Variants in DCTN4 observed in about 807,000 individuals in gnomAD.
DCTN4 encodes the protein dynactin 4 (p62).
DCTN4 carries 23 observed loss-of-function variants against 62.7 expected under a neutral mutation model. The observed-to-expected ratio is 0.37, with a 90% CI of 0.26 to 0.52. The LOEUF (loss-of-function observed/expected upper bound fraction) is 0.52. Ranked by LOEUF, DCTN4 falls within the 20% of genes least tolerant of loss-of-function variation. The pLI, the probability that DCTN4 is intolerant of heterozygous loss-of-function variation, is 0.92. For missense variants in DCTN4, 514 were observed against 580.4 expected, an observed-to-expected ratio of 0.89 and a Z score of 1.18; for synonymous variants, 199 against 202.1, an observed-to-expected ratio of 0.98 and a Z score of 0.13.
chr5:150,733,482 GA>G lies in DCTN4; in HGVS notation c.430-8del. On this transcript the variant is annotated splice_region_variant and splice_polypyrimidine_tract_variant and intron_variant, in intron 4 of 12. Coordinates refer to ENST00000447998, the MANE Select transcript of DCTN4 (RefSeq NM_016221.4). Reference sequence around the variant, plus strand: ...ATTCAATCAATTTGTTCATCTGTAAGAAAATCACAGACTCAGTACACAAAAA... The same window carrying G: ...ATTCAATCAATTTGTTCATCTGTAAGAAATCACAGACTCAGTACACAAAAA... The G allele has an allele frequency of 6.2e-7, 1 of 1,603,850 alleles. No individual in the cohort carries two copies. Among genetic ancestry groups the G allele is most frequent in the South Asian group, 1.1e-5 (1 of 90,706 alleles).
At chr5:150,733,567 AG>A in intron 4 of DCTN4, 92 bp from the exon 5 acceptor site, 1 of 811,544 alleles carries the variant, frequency 1.2e-6, no homozygotes, top group Non-Finnish European at 1.9e-6. Flanking sequence ...TAATGAATAG[AG>A]AAGACAAATT....
At chr5:150,735,524 G>C (rs745811293) in intron 4 of DCTN4, among the ~76,000 whole-genome samples, 1 of 152,188 alleles carries the variant, frequency 6.6e-6, no homozygotes, top group African/African-American at 2.4e-5. Flanking sequence ...GTACCAGCTC[G>C]GAGACTGATA....
chr5:150,717,661 A>C (rs1759815378), intron 11 of DCTN4, among the ~76,000 whole-genome samples: 1 of 152,190 alleles, frequency 6.6e-6, no homozygotes, highest in Non-Finnish European at 1.5e-5. Flanking sequence ...ATATTTCACA[A>C]GTGTTGAAGA....
At chr5:150,742,039 T>C in intron 4 of DCTN4, 75 bp downstream of exon 4, 2 of 1,322,980 alleles carry the variant, frequency 1.5e-6, no homozygotes, top group South Asian at 1.2e-5. Context: ...TATCTACCCA[T>C]AAAATGCAAG....
In DCTN4 at chr5:150,718,389, G is replaced by A. The variant is rs1339319731; in HGVS notation, c.964-6C>T. The A allele has an allele frequency of 1.3e-6, 2 of 1,599,548 alleles. No homozygotes were observed. Among genetic ancestry groups the A allele is most frequent in the East Asian group, 4.5e-5 (2 of 44,780 alleles). The stretch of plus-strand genomic sequence containing the variant: ...GTCAGGAGGACCTGGCTCTCCTGGT[G>A]AATAGGAAACACATCTCTCAGACAT... On this transcript the variant is annotated splice_polypyrimidine_tract_variant and splice_region_variant and intron_variant, in intron 10 of 12. Transcript: ENST00000447998.
At position 150,752,100 on chromosome 5, in the gene DCTN4, A is replaced by G. The variant is rs184324891; in HGVS notation, c.385+1379T>C. Among the ~76,000 whole-genome samples the G allele has an allele frequency of 4.7e-3, 714 of 151,662 alleles. 13 individuals carry two copies. The highest frequency in any genetic ancestry group is 0.04 in the Admixed American group (614 of 15,228). ...AGAAAATTAAACAATGAAACCTCAGAAAAAAAAATACGGAGTTAGTGATGC... is the reference window on the plus strand; with the variant it reads ...AGAAAATTAAACAATGAAACCTCAGGAAAAAAAATACGGAGTTAGTGATGC... On this transcript the variant is annotated intron_variant, in intron 3 of 12. Transcript: ENST00000447998.
chr5:150,712,350 G>A (rs1179051852), intron 12 of DCTN4, among the ~76,000 whole-genome samples: 4 of 152,098 alleles, frequency 2.6e-5, no homozygotes, highest in African/African-American at 7.2e-5. Flanking sequence ...GACTGGTCTC[G>A]AACTCCTGAT....
chr5:150,758,035 AAGC>A, intron 1 of DCTN4: 5 of 940,170 alleles, frequency 5.3e-6, no homozygotes, highest in Non-Finnish European at 6.3e-6. Context: ...AGTATCGAAT[AAGC>A]AGCAACTATT....
chr5:150,758,681 T>C, intron 1 of DCTN4, 178 bp downstream of exon 1: 1 of 1,299,532 alleles, frequency 7.7e-7, no homozygotes, highest in Admixed American at 2.3e-5. Flanking sequence ...CACCCGAGGC[T>C]GCTCCTCCTT....
intron 2 of DCTN4, chr5:150,755,486 T>C (rs544052669): frequency 2.2e-6 from 1 of 455,650 alleles, no homozygotes; most frequent in South Asian, 1.6e-5. Context: ...TGACAAGTCA[T>C]AAGTATTTAC....
Position 150,711,094 on chromosome 5 carries a change from T to G in DCTN4, c.*55A>C. The G allele has an allele frequency of 6.5e-7, 1 of 1,528,536 alleles. No individual in the cohort carries two copies. The highest frequency in any genetic ancestry group is 9.0e-7 in the Non-Finnish European group (1 of 1,106,866). 94.7% of individuals were successfully genotyped at this position (1,528,536 alleles called of 1,614,324 possible). A position where few individuals can be genotyped will look rare whatever the true frequency, so the allele number is the denominator to read the frequency against. On this transcript the variant is annotated 3_prime_UTR_variant, in exon 13 of 13. Transcript: ENST00000447998. ...TAATGAAGCAGCAGCTTCCACATTT[T>G]AACGCAGGTTTACGGTGATACTGTC...
intron 3 of DCTN4, among the ~76,000 whole-genome samples, chr5:150,748,840 T>C (rs1752560435): frequency 6.9e-6 from 1 of 145,774 alleles, no homozygotes; most frequent in South Asian, 2.2e-4. Context: ...TAATGCTAAA[T>C]GACGAGTTAA....
chr5:150,758,344 C>T lies in DCTN4; in HGVS notation c.135+515G>A, dbSNP rs894236707. On this transcript the variant is annotated intron_variant, in intron 1 of 12. Transcript: ENST00000447998. The stretch of plus-strand genomic sequence containing the variant: ...TTCTGAGCGCTTTTCACATAACTCA[C>T]GCCGCCCCAACCTCTTCCCGGCTGC... 5.1e-6 allele frequency: 5 copies of T among 986,270 alleles called. No homozygotes were observed. The Admixed American group carries it at 1.8e-4, about 36-fold the overall frequency. The allele number at this position is 986,270 out of a possible 1,614,324, so 61.1% of individuals were successfully genotyped here.
rs776752335 is a variant in DCTN4, at chr5:150,758,882, A to G, written c.112T>C (p.Ser38Pro). The change falls in exon 1 of 13, where the codon TCG becomes CCG. Residue 38 changes from serine (S) to proline (P), a missense_variant. Coordinates refer to ENST00000447998, the MANE Select transcript of DCTN4 (RefSeq NM_016221.4). The part of the protein sequence containing the change: ...YFCRYCSELR[S>P]LECVSHEVDS... ...ACCTCGTGAGACACACATTCCAGCG[A>G]CCGCAGTTCGCTACAATAGCGGCAG... is the stretch of plus-strand genomic sequence containing the variant. The G allele has an allele frequency of 3.1e-6, 5 of 1,613,740 alleles. No homozygotes were observed. Among genetic ancestry groups the G allele is most frequent in the Non-Finnish European group, 4.2e-6 (5 of 1,179,924 alleles).
intron 12 of DCTN4, among the ~76,000 whole-genome samples, chr5:150,711,566 C>T (rs1347987452): frequency 6.6e-6 from 1 of 152,152 alleles, no homozygotes; most frequent in Non-Finnish European, 1.5e-5. Flanking sequence ...AGTGCAATGG[C>T]TCCACCTTGG....
chr5:150,729,042 C>CTTTTTTTTT lies in DCTN4; in HGVS notation c.834+1580_834+1588dup. Among the ~76,000 whole-genome samples the CTTTTTTTTT allele has an allele frequency of 4.0e-4, 21 of 52,128 alleles. 1 individual carries two copies. Among genetic ancestry groups the CTTTTTTTTT allele is most frequent in the African/African-American group, 1.1e-3 (14 of 13,120 alleles). 34.2% of individuals were successfully genotyped at this position (52,128 alleles called of 152,430 possible). A position where few individuals can be genotyped will look rare whatever the true frequency, so the allele number is the denominator to read the frequency against. ...ACAAGTGTGTGAACCACCACACTGG[C>CTTTTTTTTT]TTTTTTTTTTTTTTTTTTTTTTTTT... On this transcript the variant is annotated intron_variant, in intron 8 of 12. Transcript: ENST00000447998.
intron 12 of DCTN4, among the ~76,000 whole-genome samples, chr5:150,711,665 C>T (rs534240002): frequency 1.3e-5 from 2 of 152,212 alleles, no homozygotes; most frequent in South Asian, 4.1e-4. Context: ...ACCACCACAC[C>T]TGGCTAGCTT....
intron 3 of DCTN4, among the ~76,000 whole-genome samples, chr5:150,753,196 C>T (rs1752739827): frequency 3.9e-5 from 6 of 152,148 alleles, no homozygotes; most frequent in Admixed American, 2.6e-4. Context: ...GATGTCTTAA[C>T]ATGAATGTTT....
intron 3 of DCTN4, among the ~76,000 whole-genome samples, chr5:150,752,806 T>G (rs1407458592): frequency 6.6e-6 from 1 of 152,200 alleles, no homozygotes; most frequent in Non-Finnish European, 1.5e-5. Context: ...TTCTGAGTAT[T>G]CATCTTTAGC....
Sources: allele counts gnomAD v4.1 joint callset (sites outside exome capture counted in the v4.1 genomes callset), GRCh38; gene constraint gnomAD v4.1.1; transcripts MANE v1.5; gene names NCBI Gene and HGNC (gene_info 2026-07-23, HGNC 2026-07-21).